ENOX1: variants seen among roughly 807,000 people sequenced by gnomAD.
ENOX1 encodes ecto-NOX disulfide-thiol exchanger 1, also known as candidate growth-related and time keeping constitutive hydroquinone (NADH) oxidase.
A neutral mutation model predicts 82.5 loss-of-function variants in ENOX1; 42 were observed. The observed-to-expected ratio is 0.51, with a 90% confidence interval of 0.40 to 0.66. The LOEUF (loss-of-function observed/expected upper bound fraction) is 0.66, where lower values mean the gene tolerates loss of function less well. Among genes scored for constraint, ENOX1 ranks in the 30% least tolerant of loss-of-function variants. The pLI, the probability that ENOX1 is intolerant of heterozygous loss-of-function variation, is 0.00. For synonymous variants in ENOX1, 271 were observed against 282.2 expected (o/e 0.96, Z 0.40); for missense variants, 608 against 811.6 (o/e 0.75, Z 3.05).
intron 10 of ENOX1, among the ~76,000 whole-genome samples, chr13:43,325,821 G>A (rs2048079820): frequency 6.6e-6 from 1 of 152,140 alleles, no homozygotes; most frequent in African/African-American, 2.4e-5. Flanking sequence ...GTCCTTCTAA[G>A]TGGCAAGGAG....
At chr13:43,576,389 T>G (rs540662482) in intron 2 of ENOX1, among the ~76,000 whole-genome samples, 1 of 152,096 alleles carries the variant, frequency 6.6e-6, no homozygotes, top group Non-Finnish European at 1.5e-5. Context: ...CTTGTAGGAC[T>G]GTATACTTTT....
chr13:43,573,077 A>T (rs1438884830), intron 2 of ENOX1, among the ~76,000 whole-genome samples: 1 of 152,174 alleles, frequency 6.6e-6, no homozygotes, highest in Non-Finnish European at 1.5e-5. Flanking sequence ...AGAAACAATA[A>T]CTTGTGTGAC....
intron 5 of ENOX1, among the ~76,000 whole-genome samples, chr13:43,372,287 A>G (rs2051292838): frequency 6.6e-6 from 1 of 152,260 alleles, no homozygotes; most frequent in South Asian, 2.1e-4. Context: ...CATTTCACAG[A>G]TAATGAGGCT....
chr13:43,416,844 G>A (rs1176510951), intron 3 of ENOX1, among the ~76,000 whole-genome samples: 1 of 152,222 alleles, frequency 6.6e-6, no homozygotes, highest in Non-Finnish European at 1.5e-5. Context: ...TAGCACTTTT[G>A]GAGGCCAAGG....
intron 5 of ENOX1, among the ~76,000 whole-genome samples, chr13:43,404,961 C>A (rs1219893077): frequency 6.6e-6 from 1 of 152,166 alleles, no homozygotes; most frequent in Non-Finnish European, 1.5e-5. Context: ...CCTTTAGAGA[C>A]CCCCACTGGT....
chr13:43,236,643 C>A lies in ENOX1; in HGVS notation c.1707G>T (p.Leu569=). The change falls in exon 15 of 17, where the codon CTG becomes CTT. Residue 569 remains leucine, a synonymous_variant. Coordinates refer to ENST00000690772, the MANE Select transcript of ENOX1 (RefSeq NM_001347969.2). ...SQGLKSEKEA[L]LIGIISTFLH... ...AAAACAGAATTTCCTTACCTATTAG[C>A]AGAGCTTCTTTCTCTGATTTTAAGC... 3 of 1,573,184 alleles carry A rather than the reference C, an allele frequency of 1.9e-6. No homozygotes were observed. The highest frequency in any genetic ancestry group is 2.6e-6 in the Non-Finnish European group (3 of 1,166,864).
At chr13:43,435,920 C>T (rs1179851613) in intron 3 of ENOX1, among the ~76,000 whole-genome samples, 1 of 140,502 alleles carries the variant, frequency 7.1e-6, no homozygotes, top group East Asian at 2.0e-4. Context: ...TGGTCTGAGT[C>T]TCAAAGGATT....
intron 12 of ENOX1, among the ~76,000 whole-genome samples, chr13:43,278,572 A>C (rs2045196599): frequency 6.6e-6 from 1 of 152,240 alleles, no homozygotes; most frequent in Non-Finnish European, 1.5e-5. Context: ...TTTACGTTTC[A>C]GTATTTTTAA....
chr13:43,725,815 AAAG>A (rs2088906258), intron 1 of ENOX1, among the ~76,000 whole-genome samples: 2 of 151,836 alleles, frequency 1.3e-5, no homozygotes. Flanking sequence ...AAAAAAAAAA[AAAG>A]AAGCTAGGCA....
At chr13:43,518,019 C>T (rs756393439) in intron 2 of ENOX1, among the ~76,000 whole-genome samples, 3 of 152,040 alleles carry the variant, frequency 2.0e-5, no homozygotes, top group Non-Finnish European at 2.9e-5. Flanking sequence ...GTCTGCTCTG[C>T]CCAACAGTCA....
chr13:43,473,266 T>C (rs1039955821), intron 3 of ENOX1, among the ~76,000 whole-genome samples: 2 of 152,214 alleles, frequency 1.3e-5, no homozygotes, highest in Non-Finnish European at 2.9e-5. Flanking sequence ...AAACTATGAC[T>C]AATGGATTTT....
intron 2 of ENOX1, among the ~76,000 whole-genome samples, chr13:43,524,933 T>C (rs1459138443): frequency 6.6e-6 from 1 of 152,166 alleles, no homozygotes; most frequent in Non-Finnish European, 1.5e-5. Context: ...ACTTTGTTTC[T>C]GACCCAGTGT....
intron 3 of ENOX1, among the ~76,000 whole-genome samples, chr13:43,417,052 T>C (rs1254761730): frequency 6.6e-6 from 1 of 151,948 alleles, no homozygotes; most frequent in Non-Finnish European, 1.5e-5. Context: ...CCACCAAAAA[T>C]ACAAAAACCA....
intron 3 of ENOX1, among the ~76,000 whole-genome samples, chr13:43,436,506 T>C (rs573931109): frequency 6.6e-6 from 1 of 152,258 alleles, no homozygotes; most frequent in East Asian, 1.9e-4. Context: ...AATAAAGTCA[T>C]GGAGAGCAGA....
chr13:43,554,933 G>GT (rs1246505841), intron 2 of ENOX1, among the ~76,000 whole-genome samples: 1 of 152,136 alleles, frequency 6.6e-6, no homozygotes, highest in African/African-American at 2.4e-5. Flanking sequence ...CTTAAGCAAT[G>GT]TTTTCTTATT....
At position 43,321,613 on chromosome 13, in the gene ENOX1, T is replaced by C. The variant is rs6650368; in HGVS notation, c.1261+771A>G. 6.9e-3 allele frequency among the ~76,000 whole-genome samples: 1,045 copies of C among 152,372 alleles called. 19 individuals carry two copies. Among genetic ancestry groups the C allele is most frequent in the African/African-American group, 0.023 (966 of 41,580 alleles). On this transcript the variant is annotated intron_variant, in intron 11 of 16. Coordinates refer to ENST00000690772, the MANE Select transcript of ENOX1 (RefSeq NM_001347969.2). ...AACAGGTGTATGTTTTATTCACTTA[T>C]ACACATGAGGAGACAGATCAAATCT...
At chr13:43,558,617 G>GA (rs1230147480) in intron 2 of ENOX1, among the ~76,000 whole-genome samples, 2 of 152,144 alleles carry the variant, frequency 1.3e-5, no homozygotes, top group Non-Finnish European at 2.9e-5. Context: ...TTGCCTGGGT[G>GA]ACAAGGAGAC....
intron 3 of ENOX1, among the ~76,000 whole-genome samples, chr13:43,482,213 G>T (rs781274124): frequency 6.6e-6 from 1 of 152,148 alleles, no homozygotes; most frequent in East Asian, 1.9e-4. Flanking sequence ...AGCATTATTC[G>T]CAATAGCTAG....
At chr13:43,504,168 AG>A (rs2077072110) in intron 2 of ENOX1, among the ~76,000 whole-genome samples, 1 of 151,464 alleles carries the variant, frequency 6.6e-6, no homozygotes, top group Non-Finnish European at 1.5e-5. Context: ...AAAAATAAAA[AG>A]ATAACAAATG....
Sources: gnomAD v4.1 joint callset for allele counts (sites outside exome capture counted in the v4.1 genomes callset) on GRCh38, gnomAD v4.1.1 for gene constraint, MANE v1.5 for transcripts, NCBI Gene and HGNC (gene_info 2026-07-23, HGNC 2026-07-21) for gene names.